Variants in STK39 observed in about 807,000 individuals in gnomAD.
STK39 encodes the protein STE20/SPS1-related proline-alanine-rich protein kinase.
In STK39, 20 loss-of-function variants were observed where a neutral mutation model predicts 77.8. The ratio of observed to expected loss-of-function variants is 0.26; its 90% CI spans 0.18 to 0.37. STK39 has a LOEUF of 0.37. Ranked by LOEUF, STK39 falls within the 10% of genes least tolerant of loss-of-function variation. The pLI is 1.00. For missense variants in STK39, 479 were observed against 656.5 expected, an observed-to-expected ratio of 0.73 and a Z score of 2.95; for synonymous variants, 246 against 234.1, an observed-to-expected ratio of 1.05 and a Z score of -0.47.
chr2:168,035,823 T>C (rs1684937857), intron 14 of STK39, among the ~76,000 whole-genome samples: 1 of 152,164 alleles, frequency 6.6e-6, no homozygotes, highest in African/African-American at 2.4e-5. Flanking sequence ...GTTGAAATCA[T>C]GAATGCCTCT....
At chr2:168,074,410 G>A (rs1357873202) in intron 12 of STK39, among the ~76,000 whole-genome samples, 1 of 152,176 alleles carries the variant, frequency 6.6e-6, no homozygotes, top group Non-Finnish European at 1.5e-5. Flanking sequence ...TCAAATGGAG[G>A]AAGTAAATCA....
intron 8 of STK39, among the ~76,000 whole-genome samples, chr2:168,137,519 T>G (rs1280566073): frequency 6.6e-6 from 1 of 152,212 alleles, no homozygotes; most frequent in Non-Finnish European, 1.5e-5. Flanking sequence ...AACCCAAGAA[T>G]AAATAGGAAA....
At chr2:168,221,810 A>C (rs1210005548) in intron 1 of STK39, among the ~76,000 whole-genome samples, 2 of 151,344 alleles carry the variant, frequency 1.3e-5, no homozygotes, top group Non-Finnish European at 3.0e-5. Flanking sequence ...GGCGCAACAA[A>C]GACCGAATAA....
chr2:168,018,538 A>AAAAGAAAGAAAGAAAGAAAGAAAG (rs60121657), intron 14 of STK39, among the ~76,000 whole-genome samples: 76 of 85,478 alleles, frequency 8.9e-4, no homozygotes, highest in Middle Eastern at 5.7e-3. Flanking sequence ...GAAAAGAAAG[A>AAAAGAAAGAAAGAAAGAAAGAAAG]AAAGAAAGAA....
intron 14 of STK39, among the ~76,000 whole-genome samples, chr2:168,025,114 CCTCTACCT>C (rs1684663783): frequency 6.6e-6 from 1 of 152,308 alleles, no homozygotes; most frequent in Non-Finnish European, 1.5e-5. Flanking sequence ...CCCAAACACT[CCTCTACCT>C]CTGTATGGCT....
At chr2:168,226,929 A>G (rs1358674852) in intron 1 of STK39, among the ~76,000 whole-genome samples, 1 of 152,246 alleles carries the variant, frequency 6.6e-6, no homozygotes, top group East Asian at 1.9e-4. Context: ...AAGTAAATTC[A>G]GCTGCACTCA....
At chr2:168,131,517 C>A (rs983722383) in intron 8 of STK39, among the ~76,000 whole-genome samples, 1 of 152,176 alleles carries the variant, frequency 6.6e-6, no homozygotes, top group African/African-American at 2.4e-5. Context: ...TAGAAAATGT[C>A]ATTACGTGCA....
At chr2:168,130,901 A>C (rs1687678972) in intron 8 of STK39, among the ~76,000 whole-genome samples, 1 of 152,194 alleles carries the variant, frequency 6.6e-6, no homozygotes, top group South Asian at 2.1e-4. Context: ...ACTGTTCTAG[A>C]CTCAACAGAC....
chr2:168,156,848 G>A (rs1328329095), intron 5 of STK39, among the ~76,000 whole-genome samples: 1 of 152,158 alleles, frequency 6.6e-6, no homozygotes, highest in African/African-American at 2.4e-5. Context: ...GGCTTTCAGC[G>A]CTTTCCCACA....
rs140785814 is a variant in STK39, at chr2:168,054,802, A to G, written c.1376+8698T>C. Among the ~76,000 whole-genome samples the G allele has an allele frequency of 6.5e-3, 987 of 152,218 alleles. 10 individuals carry two copies. The highest frequency in any genetic ancestry group is 0.022 in the African/African-American group (909 of 41,532). ...CAAAAAAAAAAACTCACACACACAC[A>G]AAAAACAATACCACTGGTTACTATG... On this transcript the variant is annotated intron_variant, in intron 14 of 17. Transcript: ENST00000355999.
intron 16 of STK39, among the ~76,000 whole-genome samples, chr2:167,973,576 T>C (rs1349676128): frequency 2.0e-5 from 3 of 152,314 alleles, no homozygotes; most frequent in African/African-American, 7.2e-5. Context: ...GAAAGAAAAT[T>C]TATGCATCAA....
At chr2:168,031,889 A>T (rs769784267) in intron 14 of STK39, among the ~76,000 whole-genome samples, 28 of 152,192 alleles carry the variant, frequency 1.8e-4, no homozygotes, top group Admixed American at 1.1e-3. Context: ...AAAAGTCAAC[A>T]TTTGTCCCTT....
chr2:167,962,789 G>A (rs1422281246), intron 17 of STK39, among the ~76,000 whole-genome samples: 1 of 152,222 alleles, frequency 6.6e-6, no homozygotes, highest in Non-Finnish European at 1.5e-5. Flanking sequence ...CTGCCTCCAA[G>A]ATGAATGGCT....
chr2:168,054,221 T>C (rs943200661), intron 14 of STK39, among the ~76,000 whole-genome samples: 6 of 152,344 alleles, frequency 3.9e-5, no homozygotes, highest in South Asian at 2.1e-4. Context: ...CAGGACTGAA[T>C]AGAGCAAGGC....
intron 5 of STK39, among the ~76,000 whole-genome samples, chr2:168,151,577 A>G (rs370718523): frequency 2.0e-4 from 30 of 152,048 alleles, no homozygotes; most frequent in African/African-American, 6.8e-4. Context: ...TCTACTAAAA[A>G]CACAAAAAAT....
intron 8 of STK39, among the ~76,000 whole-genome samples, chr2:168,131,792 A>G (rs1384695769): frequency 6.6e-6 from 1 of 152,186 alleles, no homozygotes; most frequent in Non-Finnish European, 1.5e-5. Flanking sequence ...ACTCTTTCAA[A>G]TGATTCAACT....
At chr2:168,017,532 G>A (rs7597195) in intron 14 of STK39, among the ~76,000 whole-genome samples, 9,941 of 151,588 alleles carry the variant, frequency 0.066, 1,124 homozygotes, top group African/African-American at 0.23. Context: ...CACCATGTCC[G>A]GCTAATTTTT....
intron 10 of STK39, among the ~76,000 whole-genome samples, chr2:168,082,632 C>T (rs557693748): frequency 3.9e-5 from 6 of 152,280 alleles, no homozygotes; most frequent in Middle Eastern, 3.4e-3. Flanking sequence ...TCTGCCTCCA[C>T]GATAAATGTG....
Position 168,247,398 on chromosome 2 carries a change from A to C in STK39, c.38T>G (p.Leu13Arg). The part of the protein sequence containing the change: ...EPSGSPVHVQ[L>R]PQQAAPVTAA... ...TGTCACCGGGGCCGCCTGCTGGGGAAGCTGGACGTGCACGGGCGAGCCGCT... is the reference window on the plus strand; with the variant it reads ...TGTCACCGGGGCCGCCTGCTGGGGACGCTGGACGTGCACGGGCGAGCCGCT... Residue 13 changes from leucine (L) to arginine (R), a missense_variant, in exon 1 of 18, where the codon CTT becomes CGT. Leu to Arg is a moderately radical substitution (Grantham distance 102). Around this residue, in one of 3 missense-constraint regions of STK39, gnomAD observed 96 missense variants for 79.1 expected, o/e 1.21. Coordinates refer to ENST00000355999, the MANE Select transcript of STK39 (RefSeq NM_013233.3). The C allele has an allele frequency of 1.6e-5, 18 of 1,155,308 alleles. No homozygotes were observed. The highest frequency in any genetic ancestry group is 8.7e-5 in the East Asian group (2 of 22,964). The allele number at this position is 1,155,308 out of a possible 1,614,324, so 71.6% of individuals were successfully genotyped here.
Sources: gnomAD v4.1 joint callset for allele counts (sites outside exome capture counted in the v4.1 genomes callset) on GRCh38, gnomAD v4.1.1 for gene constraint, gnomAD v4.1.1 regional missense constraint, MANE v1.5 for transcripts, NCBI Gene and HGNC (gene_info 2026-07-23, HGNC 2026-07-21) for gene names.